The following ANGPT2 variants were observed in gnomAD, a reference collection of about 807,000 sequenced individuals.
ANGPT2 encodes angiopoietin-2.
ANGPT2 carries 28 observed loss-of-function variants against 62.9 expected under a neutral mutation model. The ratio of observed to expected loss-of-function variants is 0.44; its 90% CI spans 0.33 to 0.61. The LOEUF (loss-of-function observed/expected upper bound fraction) is 0.61. ANGPT2 is among the 20% of genes least tolerant of loss of function. ANGPT2 has a pLI of 0.03. For missense variants in ANGPT2, 727 were observed against 594.9 expected, an observed-to-expected ratio of 1.22 and a Z score of -2.31; for synonymous variants, 284 against 207.8, an observed-to-expected ratio of 1.37 and a Z score of -3.15.
In ANGPT2 at chr8:6,510,034, C is replaced by T. The variant is rs146543055; in HGVS notation, c.1197-972G>A. On this transcript the variant is annotated intron_variant, in intron 7 of 8. Coordinates refer to ENST00000629816, the MANE Select transcript of ANGPT2 (RefSeq NM_001118887.2). Reference sequence around the variant, plus strand: ...TATCACCTTCACACCATCGTAAAGTCGAAAAATCTTAAGTTGAACCATTGT... The same window carrying T: ...TATCACCTTCACACCATCGTAAAGTTGAAAAATCTTAAGTTGAACCATTGT... 2.2e-4 allele frequency among the ~76,000 whole-genome samples: 34 copies of T among 152,090 alleles called. 1 individual carries two copies. In the East Asian group the frequency reaches 5.4e-3, roughly 24 times the overall value.
At chr8:6,511,558 A>T (rs1046718983) in intron 7 of ANGPT2, among the ~76,000 whole-genome samples, 2 of 152,218 alleles carry the variant, frequency 1.3e-5, no homozygotes, top group Admixed American at 1.3e-4. Flanking sequence ...CTGGGAAAAA[A>T]AAATCCCTTA....
intron 8 of ANGPT2, among the ~76,000 whole-genome samples, chr8:6,504,588 G>C (rs1348243919): frequency 6.6e-6 from 1 of 152,224 alleles, no homozygotes; most frequent in East Asian, 1.9e-4. Flanking sequence ...GATGATGCTG[G>C]CAATTCAGAT....
chr8:6,537,823 C>T (rs1318862860), intron 1 of ANGPT2, among the ~76,000 whole-genome samples: 1 of 152,054 alleles, frequency 6.6e-6, no homozygotes, highest in Admixed American at 6.6e-5. Context: ...TGAAAACTAT[C>T]CCCAACTTGG....
At chr8:6,547,345 G>T (rs1042306598) in intron 1 of ANGPT2, among the ~76,000 whole-genome samples, 1 of 151,898 alleles carries the variant, frequency 6.6e-6, no homozygotes, top group Non-Finnish European at 1.5e-5. Context: ...CTGGAGGTCC[G>T]CCCCCTCTCT....
rs575838053 is a variant in ANGPT2 at position 6,505,599 on chromosome 8, AATAT to A, written c.1328-2342_1328-2339del. Among the ~76,000 whole-genome samples, 23 of 126,122 alleles carry A rather than the reference AATAT, an allele frequency of 1.8e-4. 1 individual carries two copies. The South Asian group carries it at 5.3e-3, about 29-fold the overall frequency. The allele number at this position is 126,122 out of a possible 152,430, so 82.7% of individuals were successfully genotyped here. A position where few individuals can be genotyped will look rare whatever the true frequency, so the allele number is the denominator to read the frequency against. ...ATGTATATTCTTTTTGTATATATGG[AATAT>A]ATATATTCTTTATATATTTATATAT... On this transcript the variant is annotated intron_variant, in intron 8 of 8. Transcript: ENST00000629816.
At chr8:6,540,449 C>G (rs2922875) in intron 1 of ANGPT2, among the ~76,000 whole-genome samples, 1 of 152,028 alleles carries the variant, frequency 6.6e-6, no homozygotes, top group African/African-American at 2.4e-5. Flanking sequence ...ACATTTTACA[C>G]GAGTGTCTTT....
intron 1 of ANGPT2, among the ~76,000 whole-genome samples, chr8:6,543,726 A>G (rs987314494): frequency 2.0e-5 from 3 of 152,066 alleles, no homozygotes; most frequent in Admixed American, 6.6e-5. Context: ...CTTGTATTGG[A>G]TGAGATGATC....
chr8:6,540,586 C>T (rs190949038), intron 1 of ANGPT2, among the ~76,000 whole-genome samples: 17 of 152,324 alleles, frequency 1.1e-4, no homozygotes, highest in Admixed American at 5.2e-4. Context: ...GTGCAACAGA[C>T]GTTGTCAGGC....
At chr8:6,558,546 T>C (rs1191997804) in intron 1 of ANGPT2, among the ~76,000 whole-genome samples, 2 of 152,324 alleles carry the variant, frequency 1.3e-5, no homozygotes, top group African/African-American at 4.8e-5. Flanking sequence ...GGTAACTGGC[T>C]TACAGATAAA....
At chr8:6,529,623 ATTTTTT>A (rs35322987) in intron 2 of ANGPT2, among the ~76,000 whole-genome samples, 1 of 120,976 alleles carries the variant, frequency 8.3e-6, no homozygotes, top group African/African-American at 3.1e-5. Context: ...CGCCTGGCTA[ATTTTTT>A]TTTTTTTTTT....
In ANGPT2 at chr8:6,538,290, G is replaced by A. The variant is rs192788455; in HGVS notation, c.289-5803C>T. 6.1e-4 allele frequency among the ~76,000 whole-genome samples: 93 copies of A among 152,058 alleles called. 1 individual carries two copies. The highest frequency in any genetic ancestry group is 3.1e-3 in the Admixed American group (47 of 15,272). On this transcript the variant is annotated intron_variant, in intron 1 of 8. Coordinates refer to ENST00000629816, the MANE Select transcript of ANGPT2 (RefSeq NM_001118887.2). ...ATCTGTCTTACACACACACATACAC[G>A]TTTTCTACCCCCCATGATCCCATCT... is the stretch of plus-strand genomic sequence containing the variant.
chr8:6,513,954 C>A lies in ANGPT2; in HGVS notation c.1030-110G>T, dbSNP rs7846464. 4,658 of 1,075,896 alleles carry A rather than the reference C, an allele frequency of 4.3e-3. 91 individuals are homozygous for A. The highest frequency in any genetic ancestry group is 0.034 in the African/African-American group (2,105 of 61,570). The allele number at this position is 1,075,896 out of a possible 1,614,324, so 66.6% of individuals were successfully genotyped here. A position where few individuals can be genotyped will look rare whatever the true frequency, so the allele number is the denominator to read the frequency against. ...GAATAACTATCAAATAGCAGAAATT[C>A]CTTCTGGTGCTGTGACAATTTAGGG... On this transcript the variant is annotated intron_variant, in intron 6 of 8. Transcript: ENST00000629816.
chr8:6,547,601 A>C (rs574877225), intron 1 of ANGPT2, among the ~76,000 whole-genome samples: 1 of 152,158 alleles, frequency 6.6e-6, no homozygotes, highest in Non-Finnish European at 1.5e-5. Context: ...TGGCTGACTC[A>C]CTTGCCTCAT....
chr8:6,501,294 A>G lies in ANGPT2; in HGVS notation c.*1807T>C, dbSNP rs1457187082. The G allele has an allele frequency of 6.6e-6, 1 of 152,230 alleles. No individual in the cohort carries two copies. Among genetic ancestry groups the G allele is most frequent in the Non-Finnish European group, 1.5e-5 (1 of 68,042 alleles). The allele number at this position is 152,230 out of a possible 1,614,324, so 9.4% of individuals were successfully genotyped here. On this transcript the variant is annotated 3_prime_UTR_variant, in exon 9 of 9. Transcript: ENST00000629816. Reference sequence around the variant, plus strand: ...AAAATAAATTAGATTTTGAAATGGAATAAAGAAAAAATAATGGTAGAACAC... The same window carrying G: ...AAAATAAATTAGATTTTGAAATGGAGTAAAGAAAAAATAATGGTAGAACAC...
At chr8:6,506,448 C>A (rs774066467) in intron 8 of ANGPT2, among the ~76,000 whole-genome samples, 1 of 152,072 alleles carries the variant, frequency 6.6e-6, no homozygotes, top group Non-Finnish European at 1.5e-5. Flanking sequence ...TATATTGTTT[C>A]CTTGGTTATT....
At chr8:6,529,141 C>T (rs1042853179) in intron 2 of ANGPT2, among the ~76,000 whole-genome samples, 2 of 152,198 alleles carry the variant, frequency 1.3e-5, no homozygotes, top group Non-Finnish European at 2.9e-5. Flanking sequence ...ACCATTTTCA[C>T]ATCACTTTTC....
At chr8:6,542,789 A>T (rs1392075370) in intron 1 of ANGPT2, among the ~76,000 whole-genome samples, 1 of 152,106 alleles carries the variant, frequency 6.6e-6, no homozygotes. Flanking sequence ...TCATCTCTGA[A>T]GTGGGCAGTT....
intron 7 of ANGPT2, among the ~76,000 whole-genome samples, chr8:6,509,304 C>G (rs1250163897): frequency 6.6e-6 from 1 of 152,218 alleles, no homozygotes; most frequent in East Asian, 1.9e-4. Flanking sequence ...GCACAACTAT[C>G]AGAAGCGACT....
chr8:6,540,602 C>G (rs1198158545), intron 1 of ANGPT2, among the ~76,000 whole-genome samples: 1 of 152,248 alleles, frequency 6.6e-6, no homozygotes, highest in Non-Finnish European at 1.5e-5. Context: ...CAGGCCACGT[C>G]TGCATATATA....
Sources: gnomAD v4.1 joint callset for allele counts (sites outside exome capture counted in the v4.1 genomes callset) on GRCh38, gnomAD v4.1.1 for gene constraint, MANE v1.5 for transcripts, NCBI Gene and HGNC (gene_info 2026-07-23, HGNC 2026-07-21) for gene names.